PROCR: variants seen among roughly 807,000 people sequenced by gnomAD.
PROCR encodes endothelial protein C receptor.
In PROCR, 22 loss-of-function variants were observed where a neutral mutation model predicts 24.2. The observed-to-expected ratio is 0.91, with a 90% CI of 0.65 to 1.30. The LOEUF is 1.30. PROCR is among the 50% of genes most tolerant of loss of function. The pLI is 0.00. For missense variants in PROCR, 288 were observed against 307.7 expected, an observed-to-expected ratio of 0.94 and a Z score of 0.48; for synonymous variants, 137 against 139.2, an observed-to-expected ratio of 0.98 and a Z score of 0.11.
At chr20:35,181,272 A>ATTTTATTTT (rs376771177), downstream of PROCR, among the ~76,000 whole-genome samples, 34 of 150,646 alleles carry the variant, frequency 2.3e-4, no homozygotes, top group South Asian at 6.3e-4. Context: ...ATTTTAATTT[A>ATTTTATTTT]ATTTTATTTT....
At chr20:35,202,709 T>C (rs1225197998) in intron 1 of PROCR, 1 of 151,588 alleles carries the variant, frequency 6.6e-6, no homozygotes, top group African/African-American at 2.4e-5. Context: ...GAAGCAAAAA[T>C]TGATAGAACT....
chr20:35,212,757 A>G (rs557571634), intron 1 of PROCR, among the ~76,000 whole-genome samples: 2 of 152,372 alleles, frequency 1.3e-5, no homozygotes, highest in East Asian at 1.9e-4. Flanking sequence ...AAGGATATCT[A>G]TCTAGGATAA....
At position 35,174,990 on chromosome 20, in the gene PROCR, G is replaced by T. The variant is rs1221040515; in HGVS notation, c.322+37G>T. 8 of 1,349,118 alleles carry T rather than the reference G, an allele frequency of 5.9e-6. No homozygotes were observed. The East Asian group carries it at 1.5e-4, about 26-fold the overall frequency. The allele number at this position is 1,349,118 out of a possible 1,614,324, so 83.6% of individuals were successfully genotyped here. On this transcript the variant is annotated intron_variant, in intron 2 of 3. Transcript: ENST00000216968. Reference sequence around the variant, plus strand: ...CGCAGCGGGGGCGGGGTCTGGGCGGGGCTAGTGGGGGCGGGGCCTGGCGGG... The same window carrying T: ...CGCAGCGGGGGCGGGGTCTGGGCGGTGCTAGTGGGGGCGGGGCCTGGCGGG...
intron 1 of PROCR, among the ~76,000 whole-genome samples, chr20:35,199,802 C>G (rs927358958): frequency 6.6e-6 from 1 of 151,434 alleles, no homozygotes; most frequent in East Asian, 1.9e-4. Flanking sequence ...AGTGATTTCT[C>G]TGGATGATCT....
Position 35,177,255 on chromosome 20 carries a change from A to G in PROCR, c.*442A>G. The G allele has an allele frequency of 2.9e-6, 3 of 1,022,176 alleles. No individual in the cohort carries two copies. The highest frequency in any genetic ancestry group is 3.5e-6 in the Non-Finnish European group (3 of 850,824). The allele number at this position is 1,022,176 out of a possible 1,614,324, so 63.3% of individuals were successfully genotyped here. On this transcript the variant is annotated 3_prime_UTR_variant, in exon 4 of 4. Coordinates refer to ENST00000216968, the MANE Select transcript of PROCR (RefSeq NM_006404.5). Reference sequence around the variant, plus strand: ...GGATGGGACGCTGATATAATAGGGTAGAAAGAAGTAACACGAAGAAGTGGT... The same window carrying G: ...GGATGGGACGCTGATATAATAGGGTGGAAAGAAGTAACACGAAGAAGTGGT...
intron 1 of PROCR, among the ~76,000 whole-genome samples, chr20:35,183,976 T>C (rs1360683264): frequency 6.6e-6 from 1 of 152,202 alleles, no homozygotes; most frequent in Non-Finnish European, 1.5e-5. Context: ...ATGACCATAC[T>C]GCCAAAAGCA....
In PROCR at chr20:35,193,816, C is replaced by A. The variant is rs564651473; in HGVS notation, c.94+17370C>A. Among the ~76,000 whole-genome samples the A allele has an allele frequency of 1.6e-3, 237 of 152,234 alleles. 1 individual carries two copies. Among genetic ancestry groups the A allele is most frequent in the Middle Eastern group, 3.4e-3 (1 of 294 alleles). On this transcript the variant is annotated intron_variant, in intron 1 of 1. Coordinates refer to the PROCR transcript ENST00000634509. ...TGAGGGAAATGTCTAGGCTGAAGAC[C>A]TAAATTTGAGAGCTCACTATATAGA...
intron 1 of PROCR, among the ~76,000 whole-genome samples, chr20:35,199,040 G>A (rs1414804064): frequency 1.3e-5 from 2 of 152,100 alleles, no homozygotes; most frequent in African/African-American, 4.8e-5. Context: ...TATAGCTAAA[G>A]ATAACTCATT....
intron 1 of PROCR, among the ~76,000 whole-genome samples, chr20:35,215,081 G>C (rs941799299): frequency 6.6e-6 from 1 of 151,822 alleles, no homozygotes; most frequent in African/African-American, 2.4e-5. Flanking sequence ...TAATTTTTTT[G>C]TGTTTTTAGT....
At chr20:35,191,522 C>T (rs192350690) in intron 1 of PROCR, among the ~76,000 whole-genome samples, 6 of 151,744 alleles carry the variant, frequency 4.0e-5, no homozygotes, top group East Asian at 1.9e-4. Context: ...TAAGGAAGGT[C>T]GAAGGGAGAA....
At chr20:35,174,404 G>A in intron 1 of PROCR, 3 of 467,810 alleles carry the variant, frequency 6.4e-6, no homozygotes, top group Admixed American at 3.4e-5. Flanking sequence ...CATTTGTTCC[G>A]TTGGTTAACA....
intron 1 of PROCR, among the ~76,000 whole-genome samples, chr20:35,173,629 CAT>C (rs769327935): frequency 3.0e-4 from 46 of 151,860 alleles, no homozygotes; most frequent in Non-Finnish European, 6.0e-4. Flanking sequence ...GGGGTTTCGC[CAT>C]GTTGGCCAGG....
At chr20:35,196,521 CTG>C (rs2086218153) in intron 1 of PROCR, among the ~76,000 whole-genome samples, 1 of 152,012 alleles carries the variant, frequency 6.6e-6, no homozygotes, top group South Asian at 2.1e-4. Context: ...ATTCTTATGA[CTG>C]TAGATTTTTC....
chr20:35,197,945 T>TA (rs2060304586), intron 1 of PROCR, among the ~76,000 whole-genome samples: 1 of 151,992 alleles, frequency 6.6e-6, no homozygotes, highest in Admixed American at 6.6e-5. Flanking sequence ...CTAGGCCTCT[T>TA]ACACCAAATG....
chr20:35,174,034 C>G (rs2069945), intron 1 of PROCR, among the ~76,000 whole-genome samples: 79,917 of 152,038 alleles, frequency 0.53, 22,456 homozygotes, highest in African/African-American at 0.73. Flanking sequence ...TCTCAGTTTC[C>G]CATGTAGACT....
At chr20:35,175,015 GTGGGGGCGGGGCCTGGCGGA>G (rs1385910750) in intron 2 of PROCR, 62 bp downstream of exon 2, 7 of 1,236,624 alleles carry the variant, frequency 5.7e-6, no homozygotes, top group Middle Eastern at 3.0e-4. Context: ...GGCCTGGCGG[GTGGGGGCGGGGCCTGGCGGA>G]TGGAGGCGGG....
At chr20:35,192,489 A>G (rs2086181537) in intron 1 of PROCR, among the ~76,000 whole-genome samples, 1 of 152,102 alleles carries the variant, frequency 6.6e-6, no homozygotes, top group South Asian at 2.1e-4. Context: ...CTTATCTGGG[A>G]GGGAAAGTTG....
intron 2 of PROCR, among the ~76,000 whole-genome samples, chr20:35,175,741 C>T (rs1362300184): frequency 2.6e-5 from 4 of 151,646 alleles, no homozygotes; most frequent in East Asian, 1.9e-4. Flanking sequence ...CCCGCCACCA[C>T]GCCCGGCTAA....
intron 1 of PROCR, among the ~76,000 whole-genome samples, chr20:35,188,425 C>T (rs1274483004): frequency 3.9e-5 from 6 of 152,178 alleles, no homozygotes; most frequent in Admixed American, 3.9e-4. Flanking sequence ...AAGAGAATTA[C>T]AGTAGGTGAA....
Sources: allele counts gnomAD v4.1 joint callset (sites outside exome capture counted in the v4.1 genomes callset), GRCh38; gene constraint gnomAD v4.1.1; transcripts MANE v1.5; gene names NCBI Gene and HGNC (gene_info 2026-07-23, HGNC 2026-07-21).